The following NRCAM variants were observed in gnomAD, a reference collection of about 807,000 sequenced individuals.
The protein encoded by NRCAM is NgCAM-related cell adhesion molecule.
NRCAM carries 83 observed loss-of-function variants against 156.5 expected under a neutral mutation model. That is an observed-to-expected ratio of 0.53 (90% CI 0.44 to 0.64). NRCAM has a LOEUF of 0.64. NRCAM is among the 30% of genes least tolerant of loss of function. The pLI is 0.00. For missense variants in NRCAM, 1,417 were observed against 1,597.3 expected, an observed-to-expected ratio of 0.89 and a Z score of 1.92; for synonymous variants, 538 against 563.9, an observed-to-expected ratio of 0.95 and a Z score of 0.65.
At chr7:108,252,065 AG>A (rs1248874263) in intron 3 of NRCAM, among the ~76,000 whole-genome samples, 11 of 152,234 alleles carry the variant, frequency 7.2e-5, no homozygotes, top group Non-Finnish European at 1.6e-4. Flanking sequence ...AAAGAGTACC[AG>A]GGAGACCACT....
chr7:108,234,261 C>G (rs1170458521), intron 6 of NRCAM, among the ~76,000 whole-genome samples: 5 of 152,084 alleles, frequency 3.3e-5, no homozygotes, highest in Non-Finnish European at 7.4e-5. Context: ...AGCATGGGCA[C>G]AGAAATGCAA....
At chr7:108,339,006 C>T (rs982566260) in intron 2 of NRCAM, among the ~76,000 whole-genome samples, 2 of 152,196 alleles carry the variant, frequency 1.3e-5, no homozygotes, top group Admixed American at 1.3e-4. Context: ...GTGAGCACAC[C>T]TCACCAGTTC....
At chr7:108,256,768 C>A (rs2096683763) in intron 3 of NRCAM, among the ~76,000 whole-genome samples, 1 of 152,136 alleles carries the variant, frequency 6.6e-6, no homozygotes, top group Non-Finnish European at 1.5e-5. Flanking sequence ...GTAATCCCAG[C>A]ACCTTGGGAG....
rs755209320 is a variant in NRCAM at position 108,234,749 on chromosome 7, AT to A, written c.125-62del. The A allele has an allele frequency of 8.6e-6, 10 of 1,160,024 alleles. No individual in the cohort carries two copies. The East Asian group carries it at 1.6e-4, about 19-fold the overall frequency. 71.9% of individuals were successfully genotyped at this position (1,160,024 alleles called of 1,614,324 possible). On this transcript the variant is annotated intron_variant, in intron 5 of 32. Coordinates refer to ENST00000379028, the MANE Select transcript of NRCAM (RefSeq NM_001037132.4). ...ATTATTTAAAATCATAATAGTAGCC[AT>A]TTTTTCCTGTATCAAAATCACTTAC...
chr7:108,186,350 A>G (rs2066789939), intron 20 of NRCAM, among the ~76,000 whole-genome samples: 1 of 152,178 alleles, frequency 6.6e-6, no homozygotes, highest in African/African-American at 2.4e-5. Context: ...TGTCCATGAC[A>G]GCATCTCAAA....
intron 2 of NRCAM, among the ~76,000 whole-genome samples, chr7:108,348,572 AG>A (rs1012887681): frequency 1.3e-5 from 2 of 151,996 alleles, no homozygotes; most frequent in African/African-American, 4.8e-5. Context: ...GTATTAAATG[AG>A]GGGGAAAGGC....
Position 108,176,494 on chromosome 7 carries a change from A to G in NRCAM, c.3087T>C (p.Tyr1029=). The G allele has an allele frequency of 1.9e-6, 3 of 1,613,682 alleles. No homozygotes were observed. The highest frequency in any genetic ancestry group is 2.5e-6 in the Non-Finnish European group (3 of 1,179,818). ...NFSTRYKFYF[Y]AQTSAGSGSQ... ...TTCCTGATCCTGCTGATGTTTGTGC[A>G]TAGAAATAAAACTTATATCGAGTGC... The change falls in exon 27 of 33, where the codon TAT becomes TAC. Residue 1029 remains tyrosine, a synonymous_variant. Transcript: ENST00000379028.
intron 13 of NRCAM, among the ~76,000 whole-genome samples, chr7:108,198,313 CGATT>C (rs1400663793): frequency 6.6e-6 from 1 of 151,840 alleles, no homozygotes; most frequent in Non-Finnish European, 1.5e-5. Flanking sequence ...AGTCTTAAGT[CGATT>C]GATTCTGTAA....
chr7:108,169,403 T>C (rs1489669603), intron 28 of NRCAM, among the ~76,000 whole-genome samples: 2 of 152,204 alleles, frequency 1.3e-5, no homozygotes, highest in Non-Finnish European at 2.9e-5. Context: ...TTTACTAGGA[T>C]AGTCAATCAG....
intron 3 of NRCAM, among the ~76,000 whole-genome samples, chr7:108,292,550 T>C (rs1424430614): frequency 6.6e-6 from 1 of 152,166 alleles, no homozygotes. Context: ...ATCAAACCAG[T>C]AGAGACAGCA....
At chr7:108,298,691 AAAC>A (rs370115974) in intron 3 of NRCAM, among the ~76,000 whole-genome samples, 21 of 151,562 alleles carry the variant, frequency 1.4e-4, no homozygotes, top group African/African-American at 3.6e-4. Context: ...AAAACACACC[AAAC>A]AACAACAACA....
intron 1 of NRCAM, among the ~76,000 whole-genome samples, chr7:108,404,238 C>A (rs145148256): frequency 2.1e-5 from 2 of 95,850 alleles, no homozygotes; most frequent in South Asian, 1.0e-3. Context: ...CATTGAGAGG[C>A]CTTTCTGGCT....
intron 11 of NRCAM, among the ~76,000 whole-genome samples, chr7:108,222,342 G>A (rs928185512): frequency 6.6e-6 from 1 of 152,104 alleles, no homozygotes; most frequent in Non-Finnish European, 1.5e-5. Flanking sequence ...TCCCAATCTT[G>A]GTCTTACAAC....
chr7:108,160,609 G>T, intron 30 of NRCAM, 117 bp from the exon 31 acceptor site: 2 of 722,398 alleles, frequency 2.8e-6, no homozygotes, highest in Non-Finnish European at 4.2e-6. Flanking sequence ...TTTACATGTG[G>T]CCCCAAATTA....
At chr7:108,353,956 T>C (rs1019495211) in intron 2 of NRCAM, among the ~76,000 whole-genome samples, 7 of 152,258 alleles carry the variant, frequency 4.6e-5, no homozygotes, top group East Asian at 1.9e-4. Flanking sequence ...AAGTGTGATG[T>C]TGGATTGGTC....
chr7:108,264,940 C>T (rs184092465), intron 3 of NRCAM, among the ~76,000 whole-genome samples: 9 of 152,284 alleles, frequency 5.9e-5, no homozygotes, highest in East Asian at 3.9e-4. Context: ...GGTCTCCAAC[C>T]GGACAGAAAA....
chr7:108,407,001 T>C (rs17155692), intron 1 of NRCAM, among the ~76,000 whole-genome samples: 3,776 of 149,942 alleles, frequency 0.025, 150 homozygotes, highest in African/African-American at 0.076. Flanking sequence ...TTATTCTTTC[T>C]TATCAAAAAA....
At chr7:108,261,697 T>C (rs1033189375) in intron 3 of NRCAM, among the ~76,000 whole-genome samples, 3 of 152,172 alleles carry the variant, frequency 2.0e-5, no homozygotes, top group Non-Finnish European at 2.9e-5. Flanking sequence ...GACACCTGTT[T>C]TCCTGGAGGC....
chr7:108,388,681 T>C (rs188056651), intron 2 of NRCAM, among the ~76,000 whole-genome samples: 8,788 of 152,280 alleles, frequency 0.058, 841 homozygotes, highest in African/African-American at 0.2. Context: ...TCTAGGGTTT[T>C]TATGGTTTTA....
Sources: gnomAD v4.1 joint callset for allele counts (sites outside exome capture counted in the v4.1 genomes callset) on GRCh38, gnomAD v4.1.1 for gene constraint, MANE v1.5 for transcripts, NCBI Gene and HGNC (gene_info 2026-07-23, HGNC 2026-07-21) for gene names.